MCPH1: variants seen among roughly 807,000 people sequenced by gnomAD.
MCPH1 encodes the protein microcephalin.
Under a neutral mutation model 84.5 loss-of-function variants are expected in MCPH1, and 104 were observed. The observed-to-expected ratio is 1.23, with a 90% CI of 1.05 to 1.45. The LOEUF is 1.45. MCPH1 is among the 40% of genes most tolerant of loss of function. MCPH1 has a pLI of 0.00. For synonymous variants in MCPH1, 514 were observed against 366.8 expected, an observed-to-expected ratio of 1.40 and a Z score of -4.58; for missense variants, 1,498 against 1,005.7, an observed-to-expected ratio of 1.49 and a Z score of -6.62.
chr8:6,566,648 A>C (rs956287336), intron 12 of MCPH1, among the ~76,000 whole-genome samples: 3 of 151,352 alleles, frequency 2.0e-5, no homozygotes, highest in Non-Finnish European at 4.4e-5. Flanking sequence ...TGGATAGTGC[A>C]TGTGGTGCGG....
chr8:6,620,211 C>CG (rs1411455939), intron 12 of MCPH1: 1 of 152,240 alleles, frequency 6.6e-6, no homozygotes, highest in East Asian at 1.9e-4. Context: ...TGCTGAGGCT[C>CG]GGTATTTATT....
intron 9 of MCPH1, among the ~76,000 whole-genome samples, chr8:6,465,287 A>C (rs891346080): frequency 6.6e-6 from 1 of 152,188 alleles, no homozygotes; most frequent in African/African-American, 2.4e-5. Context: ...GATAAGTAAA[A>C]GATGCTCTGC....
rs1410998432 is a variant in MCPH1, at chr8:6,440,277, TA to T, written c.580+1183del. Among the ~76,000 whole-genome samples the T allele has an allele frequency of 5.9e-5, 9 of 152,232 alleles. 1 individual carries two copies. On this transcript the variant is annotated intron_variant, in intron 6 of 13. Coordinates refer to ENST00000344683, the MANE Select transcript of MCPH1 (RefSeq NM_024596.5). ...TAAGCCATTTTCCTTTCTCTAGACA[TA>T]AGTCTTTCCAGCTTCCCACCCCGAC...
At chr8:6,510,649 C>T (rs1400010952) in intron 12 of MCPH1, among the ~76,000 whole-genome samples, 2 of 152,178 alleles carry the variant, frequency 1.3e-5, no homozygotes, top group Admixed American at 1.3e-4. Flanking sequence ...CGAGGTCAGA[C>T]TCTTAAGTCA....
At chr8:6,579,959 G>T (rs761253571) in intron 12 of MCPH1, among the ~76,000 whole-genome samples, 1 of 152,174 alleles carries the variant, frequency 6.6e-6, no homozygotes, top group Non-Finnish European at 1.5e-5. Context: ...CACCAAGGCC[G>T]TGCCCCTGCC....
intron 12 of MCPH1, among the ~76,000 whole-genome samples, chr8:6,609,153 T>C (rs768994694): frequency 2.0e-5 from 3 of 152,016 alleles, no homozygotes; most frequent in Admixed American, 6.5e-5. Flanking sequence ...AAAGTTTCTA[T>C]AAGTTGTGTA....
intron 13 of MCPH1, among the ~76,000 whole-genome samples, chr8:6,631,438 C>A (rs1563217607): frequency 6.6e-6 from 1 of 151,068 alleles, no homozygotes; most frequent in African/African-American, 2.4e-5. Context: ...TTAATCTTCA[C>A]AATATATAAA....
chr8:6,513,905 T>C (rs1815705544), intron 12 of MCPH1: 5 of 1,456,112 alleles, frequency 3.4e-6, no homozygotes, highest in South Asian at 2.7e-5. Flanking sequence ...ATATTTGAAG[T>C]GGATAGTCCG....
intron 12 of MCPH1, among the ~76,000 whole-genome samples, chr8:6,545,575 G>T (rs1003660887): frequency 6.6e-6 from 1 of 152,178 alleles, no homozygotes; most frequent in Non-Finnish European, 1.5e-5. Context: ...TCTGATGAGG[G>T]TTAAAATGTA....
intron 12 of MCPH1, among the ~76,000 whole-genome samples, chr8:6,514,111 C>G (rs951488279): frequency 7.2e-5 from 11 of 152,284 alleles, no homozygotes; most frequent in East Asian, 5.8e-4. Context: ...ATAAACAGCT[C>G]AGTTCATGGG....
intron 9 of MCPH1, chr8:6,474,056 A>G: frequency 1.2e-6 from 1 of 804,696 alleles, no homozygotes; most frequent in Non-Finnish European, 2.2e-6. Flanking sequence ...TATTTCGTAC[A>G]ATATGTTGGC....
At chr8:6,450,371 C>G (rs1443624192) in intron 8 of MCPH1, among the ~76,000 whole-genome samples, 2 of 151,794 alleles carry the variant, frequency 1.3e-5, no homozygotes, top group East Asian at 1.9e-4. Context: ...TTGCTGGAGG[C>G]AGACAACATT....
intron 12 of MCPH1, among the ~76,000 whole-genome samples, chr8:6,536,331 G>A (rs1820493885): frequency 6.6e-6 from 1 of 152,226 alleles, no homozygotes; most frequent in Non-Finnish European, 1.5e-5. Flanking sequence ...GTGGATGCAG[G>A]GCTGAGCACT....
At chr8:6,554,134 G>A (rs556995231) in intron 12 of MCPH1, among the ~76,000 whole-genome samples, 1 of 149,504 alleles carries the variant, frequency 6.7e-6, no homozygotes, top group East Asian at 1.9e-4. Context: ...CTTGTGATAA[G>A]ACCCATATTA....
intron 6 of MCPH1, among the ~76,000 whole-genome samples, chr8:6,440,425 C>T (rs1249571976): frequency 6.6e-6 from 1 of 152,054 alleles, no homozygotes; most frequent in African/African-American, 2.4e-5. Flanking sequence ...ATAGAGTCTC[C>T]CTGTGTTGCG....
chr8:6,634,265 T>C (rs1472346492), intron 13 of MCPH1, among the ~76,000 whole-genome samples: 2 of 152,190 alleles, frequency 1.3e-5, no homozygotes, highest in South Asian at 2.1e-4. Flanking sequence ...GTTGCAGAAA[T>C]TTAAGAAATG....
At chr8:6,470,016 G>C (rs1305153940) in intron 9 of MCPH1, among the ~76,000 whole-genome samples, 2 of 152,062 alleles carry the variant, frequency 1.3e-5, no homozygotes, top group Non-Finnish European at 2.9e-5. Context: ...TTCCTGTTAA[G>C]GAAAAGAATC....
chr8:6,435,465 A>G (rs114376504), intron 4 of MCPH1, among the ~76,000 whole-genome samples: 216 of 152,232 alleles, frequency 1.4e-3, no homozygotes, highest in African/African-American at 4.9e-3. Flanking sequence ...GGATCTTGCA[A>G]TGGGGTGATG....
At chr8:6,422,668 C>A (rs970734837) in intron 3 of MCPH1, among the ~76,000 whole-genome samples, 1 of 152,178 alleles carries the variant, frequency 6.6e-6, no homozygotes, top group African/African-American at 2.4e-5. Flanking sequence ...ATACTTGTAA[C>A]TTCGTTATCC....
Sources: gnomAD v4.1 joint callset for allele counts (sites outside exome capture counted in the v4.1 genomes callset) on GRCh38, gnomAD v4.1.1 for gene constraint, MANE v1.5 for transcripts, NCBI Gene and HGNC (gene_info 2026-07-23, HGNC 2026-07-21) for gene names.